SEC11A: variants seen among roughly 807,000 people sequenced by gnomAD.
SEC11A encodes the protein SEC11 homolog A, signal peptidase complex subunit, also known as signal peptidase complex catalytic subunit SEC11A.
In SEC11A, 14 loss-of-function variants were observed where a neutral mutation model predicts 25.6. The observed-to-expected ratio is 0.55, with a 90% confidence interval of 0.36 to 0.85. SEC11A has a LOEUF of 0.85. SEC11A is among the 40% of genes least tolerant of loss of function. SEC11A has a pLI of 0.01. For missense variants in SEC11A, 153 were observed against 222.9 expected, an observed-to-expected ratio of 0.69 and a Z score of 2.00; for synonymous variants, 83 against 76.4, an observed-to-expected ratio of 1.09 and a Z score of -0.45.
At chr15:84,695,369 G>A (rs1262811163) in intron 1 of SEC11A, among the ~76,000 whole-genome samples, 2 of 150,448 alleles carry the variant, frequency 1.3e-5, no homozygotes, top group African/African-American at 2.4e-5. Context: ...AGGCTGAGGT[G>A]GGAGAATCGC....
In SEC11A at chr15:84,716,105, G is replaced by C. The variant is rs371046185; in HGVS notation, c.-30C>G. 1.3e-5 allele frequency: 21 copies of C among 1,610,716 alleles called. No individual in the cohort carries two copies. The African/African-American group carries it at 2.3e-4, about 17-fold the overall frequency. On this transcript the variant is annotated 5_prime_UTR_variant, in exon 1 of 6. Transcript: ENST00000268220. ...GGGACGGCGAGCAGGACACCGGCAGGGGAAAGGGCGCGATGACCAGCGGGC... is the reference window on the plus strand; with the variant it reads ...GGGACGGCGAGCAGGACACCGGCAGCGGAAAGGGCGCGATGACCAGCGGGC...
At chr15:84,670,568 C>T (rs947438901) in intron 5 of SEC11A, 157 bp downstream of exon 5, 22 of 422,646 alleles carry the variant, frequency 5.2e-5, no homozygotes, top group East Asian at 1.2e-4. Flanking sequence ...TTAATAGAGA[C>T]GGGGTTTCGC....
intron 1 of SEC11A, among the ~76,000 whole-genome samples, chr15:84,708,384 T>C (rs1185768652): frequency 6.6e-6 from 1 of 152,088 alleles, no homozygotes; most frequent in East Asian, 1.9e-4. Context: ...AAGATTTTCC[T>C]GAACCTAAAT....
chr15:84,684,689 T>C (rs1010522335), intron 3 of SEC11A, among the ~76,000 whole-genome samples: 14 of 152,168 alleles, frequency 9.2e-5, no homozygotes, highest in Non-Finnish European at 1.5e-5. Context: ...CTCTGCACTT[T>C]GGGAGGCAGA....
Position 84,679,874 on chromosome 15 carries a change from A to T in SEC11A, c.431+839T>A, listed in dbSNP as rs1053714386. On this transcript the variant is annotated intron_variant, in intron 4 of 5. Transcript: ENST00000268220. ...CTAATAAACGTGAGTTATTGTTAAT[A>T]CTATTAATTACATTAAGGGAGCAAC... The T allele has an allele frequency of 6.7e-5, 82 of 1,220,956 alleles. 1 individual carries two copies. The East Asian group carries it at 2.1e-3, about 31-fold the overall frequency. The allele number at this position is 1,220,956 out of a possible 1,614,324, so 75.6% of individuals were successfully genotyped here.
chr15:84,688,073 A>G (rs999294242), intron 2 of SEC11A, among the ~76,000 whole-genome samples: 1 of 152,214 alleles, frequency 6.6e-6, no homozygotes. Flanking sequence ...ACCTTTTAAA[A>G]TTTCAAATGA....
At chr15:84,708,957 A>G (rs748815126) in intron 1 of SEC11A, among the ~76,000 whole-genome samples, 4 of 152,118 alleles carry the variant, frequency 2.6e-5, no homozygotes, top group Non-Finnish European at 5.9e-5. Flanking sequence ...CATACAGATA[A>G]TTAAAACCCA....
chr15:84,708,779 C>A (rs1898175913), intron 1 of SEC11A, among the ~76,000 whole-genome samples: 1 of 151,060 alleles, frequency 6.6e-6, no homozygotes, highest in Non-Finnish European at 1.5e-5. Context: ...CAGAGCGAGA[C>A]CTTATCTCAG....
At chr15:84,691,116 C>G (rs1054102673) in intron 2 of SEC11A, among the ~76,000 whole-genome samples, 1 of 150,238 alleles carries the variant, frequency 6.7e-6, no homozygotes, top group African/African-American at 2.5e-5. Flanking sequence ...CTCTGTCACC[C>G]AGGCTGAAGT....
intron 4 of SEC11A, chr15:84,673,252 G>C (rs1432868510): frequency 1.5e-5 from 3 of 206,374 alleles, no homozygotes; most frequent in South Asian, 6.9e-5. Context: ...TCTGGGAGGA[G>C]TACCCAACAG....
chr15:84,707,583 A>C (rs1349656175), intron 1 of SEC11A, among the ~76,000 whole-genome samples: 1 of 152,080 alleles, frequency 6.6e-6, no homozygotes, highest in South Asian at 2.1e-4. Context: ...TTTTGGACAA[A>C]ATTTTCCAGT....
intron 3 of SEC11A, among the ~76,000 whole-genome samples, chr15:84,686,269 T>C (rs1897419259): frequency 1.3e-5 from 2 of 152,188 alleles, no homozygotes; most frequent in Admixed American, 6.5e-5. Flanking sequence ...AACTAGAATG[T>C]TTATAGGAAT....
chr15:84,679,829 T>C, intron 4 of SEC11A: 2 of 753,894 alleles, frequency 2.7e-6, no homozygotes, highest in Non-Finnish European at 2.1e-6. Flanking sequence ...TTAGAATGAG[T>C]CTCTGGTACA....
intron 4 of SEC11A, chr15:84,673,229 G>C (rs907817414): frequency 5.1e-6 from 1 of 197,220 alleles, no homozygotes; most frequent in Non-Finnish European, 1.0e-5. Flanking sequence ...CCCTCTGCCC[G>C]GCCACCACCC....
chr15:84,670,712 T>C lies in SEC11A; in HGVS notation c.489+13A>G, dbSNP rs1896960910. ...TTACATTTTTTAATAAAACAAATAA[T>C]ACAGACTCTTACCTTAAATTTAGGA... On this transcript the variant is annotated intron_variant, in intron 5 of 5. Transcript: ENST00000268220. 2.3e-6 allele frequency: 3 copies of C among 1,291,238 alleles called. No homozygotes were observed. The highest frequency in any genetic ancestry group is 2.6e-5 in the South Asian group (2 of 76,246). 80.0% of individuals were successfully genotyped at this position (1,291,238 alleles called of 1,614,324 possible).
At chr15:84,708,283 T>A (rs1421993730) in intron 1 of SEC11A, among the ~76,000 whole-genome samples, 2 of 151,436 alleles carry the variant, frequency 1.3e-5, no homozygotes, top group East Asian at 3.9e-4. Flanking sequence ...TTACTTGTGA[T>A]GTTCTTGTGT....
rs940097902 is a variant in SEC11A at position 84,679,237 on chromosome 15, C to T, written c.431+1476G>A. The stretch of plus-strand genomic sequence containing the variant: ...GTTTAAATAATCACATTAGCAGCAT[C>T]TTGGGAACTGAGGAAGATGGGGACT... On this transcript the variant is annotated intron_variant, in intron 4 of 5. Transcript: ENST00000268220. 10 of 1,243,988 alleles carry T rather than the reference C, an allele frequency of 8.0e-6. No homozygotes were observed. In the African/African-American group the frequency reaches 1.5e-4, roughly 19 times the overall value. 77.1% of individuals were successfully genotyped at this position (1,243,988 alleles called of 1,614,324 possible).
intron 3 of SEC11A, among the ~76,000 whole-genome samples, chr15:84,686,236 C>T (rs1213035476): frequency 6.6e-6 from 1 of 152,070 alleles, no homozygotes; most frequent in African/African-American, 2.4e-5. Context: ...CTTTATTTCA[C>T]CAATGAAGAA....
At chr15:84,695,234 G>A (rs1030737768) in intron 1 of SEC11A, among the ~76,000 whole-genome samples, 12 of 151,624 alleles carry the variant, frequency 7.9e-5, no homozygotes, top group African/African-American at 2.7e-4. Context: ...AGGCCAAGGC[G>A]AGCAGATCAC....
Sources: gnomAD v4.1 joint callset for allele counts (sites outside exome capture counted in the v4.1 genomes callset) on GRCh38, gnomAD v4.1.1 for gene constraint, MANE v1.5 for transcripts, NCBI Gene and HGNC (gene_info 2026-07-23, HGNC 2026-07-21) for gene names.